Variants in IMMP2L observed in about 807,000 individuals in gnomAD.
IMMP2L encodes the protein inner mitochondrial membrane peptidase subunit 2.
In IMMP2L, 18 loss-of-function variants were observed where a neutral mutation model predicts 19.3. That is an observed-to-expected ratio of 0.93 (90% CI 0.64 to 1.38). The LOEUF (loss-of-function observed/expected upper bound fraction) is 1.38, where lower values mean the gene tolerates loss of function less well. Ranked by LOEUF, IMMP2L falls within the 40% of genes most tolerant of loss-of-function variation. The pLI, the probability that IMMP2L is intolerant of heterozygous loss-of-function variation, is 0.00. For synonymous variants in IMMP2L, 76 were observed against 73.0 expected, an observed-to-expected ratio of 1.04 and a Z score of -0.21; for missense variants, 233 against 218.2, an observed-to-expected ratio of 1.07 and a Z score of -0.43.
chr7:111,229,547 T>C (rs897217773), intron 3 of IMMP2L, among the ~76,000 whole-genome samples: 3 of 152,026 alleles, frequency 2.0e-5, no homozygotes, highest in African/African-American at 7.2e-5. Flanking sequence ...CCTACTCACA[T>C]TCCCACCGTC....
chr7:110,817,311 A>C (rs1437160590), intron 5 of IMMP2L, among the ~76,000 whole-genome samples: 1 of 152,072 alleles, frequency 6.6e-6, no homozygotes, highest in Admixed American at 6.6e-5. Flanking sequence ...ATTCTTATAC[A>C]CCAATAACAG....
chr7:111,132,755 A>G (rs1237111826), intron 3 of IMMP2L, among the ~76,000 whole-genome samples: 2 of 152,022 alleles, frequency 1.3e-5, no homozygotes, highest in Admixed American at 6.6e-5. Context: ...AAAACTGGAC[A>G]CCATCAAACT....
intron 3 of IMMP2L, among the ~76,000 whole-genome samples, chr7:111,366,348 A>G (rs1432583546): frequency 2.0e-5 from 3 of 151,704 alleles, no homozygotes; most frequent in African/African-American, 4.8e-5. Context: ...AAGAAAGAAA[A>G]AAAAAAAAAG....
chr7:111,383,283 T>C (rs1031299877), intron 3 of IMMP2L, among the ~76,000 whole-genome samples: 2 of 152,148 alleles, frequency 1.3e-5, no homozygotes, highest in Non-Finnish European at 2.9e-5. Flanking sequence ...GTTATTGTGC[T>C]TTAAAGAAAT....
chr7:110,931,184 T>G (rs763275997), intron 4 of IMMP2L, among the ~76,000 whole-genome samples: 34 of 152,162 alleles, frequency 2.2e-4, no homozygotes, highest in Non-Finnish European at 4.6e-4. Flanking sequence ...CTATATGTTT[T>G]GCAGGAAAGT....
At chr7:111,345,076 T>C (rs1827404249) in intron 3 of IMMP2L, among the ~76,000 whole-genome samples, 1 of 152,132 alleles carries the variant, frequency 6.6e-6, no homozygotes, top group South Asian at 2.1e-4. Context: ...CATACAGTTT[T>C]CCTTAGAGTT....
intron 3 of IMMP2L, among the ~76,000 whole-genome samples, chr7:111,007,298 G>A (rs772062491): frequency 6.6e-6 from 1 of 152,064 alleles, no homozygotes; most frequent in Non-Finnish European, 1.5e-5. Flanking sequence ...TCCTGGACAT[G>A]TCAGGATTAC....
At chr7:110,954,722 T>C (rs1818191946) in intron 4 of IMMP2L, among the ~76,000 whole-genome samples, 6 of 152,086 alleles carry the variant, frequency 3.9e-5, no homozygotes. Flanking sequence ...GCTCATGGCT[T>C]CTACATCACA....
At position 110,840,152 on chromosome 7, in the gene IMMP2L, A is replaced by C. The variant is rs374340824; in HGVS notation, c.408+46441T>G. Among the ~76,000 whole-genome samples, 35 of 152,256 alleles carry C rather than the reference A, an allele frequency of 2.3e-4. No homozygotes were observed. The South Asian group carries it at 5.4e-3, about 23-fold the overall frequency. Reference sequence around the variant, plus strand: ...GCTAGAAGTTCCCTCCTATAGCTACAACCTCAACTGAAGCTCTTTGTAGGT... The same window carrying C: ...GCTAGAAGTTCCCTCCTATAGCTACCACCTCAACTGAAGCTCTTTGTAGGT... On this transcript the variant is annotated intron_variant, in intron 5 of 5. Coordinates refer to ENST00000405709, the MANE Select transcript of IMMP2L (RefSeq NM_032549.4).
chr7:111,270,057 CTGTG>C (rs58848663), intron 3 of IMMP2L, among the ~76,000 whole-genome samples: 6,331 of 140,458 alleles, frequency 0.045, 167 homozygotes, highest in South Asian at 0.068. Flanking sequence ...GCATGTGTGT[CTGTG>C]TGTGTGTGTG....
chr7:111,351,956 T>C (rs1828203782), intron 3 of IMMP2L, among the ~76,000 whole-genome samples: 2 of 152,212 alleles, frequency 1.3e-5, no homozygotes, highest in African/African-American at 4.8e-5. Context: ...GTGAAAAAGA[T>C]GTTCATCTAC....
At chr7:110,792,330 T>C (rs748876515) in intron 5 of IMMP2L, among the ~76,000 whole-genome samples, 11 of 151,882 alleles carry the variant, frequency 7.2e-5, no homozygotes, top group Non-Finnish European at 5.9e-5. Flanking sequence ...AGGTACTGAG[T>C]TGATACCATT....
At chr7:110,949,293 AC>A in intron 4 of IMMP2L, among the ~76,000 whole-genome samples, 1 of 152,162 alleles carries the variant, frequency 6.6e-6, no homozygotes. Context: ...GTCTAGGTGT[AC>A]CCATGTGGTT....
At chr7:111,414,802 C>G (rs757924088) in intron 3 of IMMP2L, among the ~76,000 whole-genome samples, 2 of 151,692 alleles carry the variant, frequency 1.3e-5, no homozygotes, top group Non-Finnish European at 2.9e-5. Context: ...TAAAACTGCA[C>G]TAAAAAATAC....
At chr7:111,106,793 C>G (rs1386457126) in intron 3 of IMMP2L, among the ~76,000 whole-genome samples, 2 of 148,630 alleles carry the variant, frequency 1.3e-5, no homozygotes, top group Non-Finnish European at 3.0e-5. Context: ...TTTAATCATA[C>G]CAAAAAAAAT....
chr7:111,216,696 T>C (rs1043302044), intron 3 of IMMP2L, among the ~76,000 whole-genome samples: 13 of 152,254 alleles, frequency 8.5e-5, no homozygotes, highest in African/African-American at 3.1e-4. Context: ...AAATAAATGG[T>C]TTCTCAGATT....
chr7:110,675,881 G>C (rs1256147873), intron 5 of IMMP2L, among the ~76,000 whole-genome samples: 4 of 152,054 alleles, frequency 2.6e-5, no homozygotes, highest in African/African-American at 9.7e-5. Flanking sequence ...GTGGCTCTAG[G>C]ATATATAGTC....
At chr7:111,285,099 A>T (rs544660994) in intron 3 of IMMP2L, among the ~76,000 whole-genome samples, 1 of 152,274 alleles carries the variant, frequency 6.6e-6, no homozygotes, top group Non-Finnish European at 1.5e-5. Context: ...CACCGACAGC[A>T]TCACATAATA....
intron 5 of IMMP2L, among the ~76,000 whole-genome samples, chr7:110,767,187 G>T (rs1798724104): frequency 6.6e-6 from 1 of 151,936 alleles, no homozygotes; most frequent in African/African-American, 2.4e-5. Context: ...CTTATGAGTT[G>T]GACAGACTTG....
Sources: gnomAD v4.1 joint callset for allele counts (sites outside exome capture counted in the v4.1 genomes callset) on GRCh38, gnomAD v4.1.1 for gene constraint, MANE v1.5 for transcripts, NCBI Gene and HGNC (gene_info 2026-07-23, HGNC 2026-07-21) for gene names.